The following NTN5 variants were observed in gnomAD, a reference collection of about 807,000 sequenced individuals.
The protein encoded by NTN5 is netrin-5.
NTN5 carries 42 observed loss-of-function variants against 38.7 expected under a neutral mutation model. That is an observed-to-expected ratio of 1.08 (90% confidence interval 0.85 to 1.40). The LOEUF (loss-of-function observed/expected upper bound fraction) is 1.40. Among genes scored for constraint, NTN5 ranks in the 40% most tolerant of loss-of-function variants. NTN5 has a pLI of 0.00. For synonymous variants in NTN5, 329 were observed against 303.9 expected (o/e 1.08, Z -0.86); for missense variants, 658 against 716.5 (o/e 0.92, Z 0.93).
At chr19:48,668,065 G>A (rs909096818) in intron 2 of NTN5, among the ~76,000 whole-genome samples, 1 of 152,132 alleles carries the variant, frequency 6.6e-6, no homozygotes, top group Non-Finnish European at 1.5e-5. Context: ...TCTCTGAGGA[G>A]GGGCTGTTGG....
intron 1 of NTN5, 105 bp from the exon 2 acceptor site, chr19:48,671,111 C>T: frequency 1.3e-6 from 1 of 769,188 alleles, no homozygotes; most frequent in Non-Finnish European, 2.0e-6. Context: ...CCCGTCCAGG[C>T]CCCCTCCCCG....
intron 2 of NTN5, among the ~76,000 whole-genome samples, chr19:48,669,855 C>A (rs1601213517): frequency 9.2e-6 from 1 of 108,686 alleles, no homozygotes; most frequent in South Asian, 3.2e-4. Flanking sequence ...ACTACCATCA[C>A]CACCACCATC....
intron 1 of NTN5, among the ~76,000 whole-genome samples, chr19:48,671,654 G>C (rs912232533): frequency 2.0e-5 from 3 of 152,010 alleles, no homozygotes; most frequent in Non-Finnish European, 4.4e-5. Flanking sequence ...GGAGGGAAGG[G>C]GACAGGCTAG....
At chr19:48,671,275 G>A (rs150738199) in intron 1 of NTN5, among the ~76,000 whole-genome samples, 1,606 of 152,194 alleles carry the variant, frequency 0.011, 25 homozygotes, top group African/African-American at 0.037. Context: ...GGGGCAGGGG[G>A]CCCTGGGGAG....
At position 48,664,522 on chromosome 19, in the gene NTN5, C is replaced by T. The variant is rs189737503; in HGVS notation, c.820+57G>A. On this transcript the variant is annotated intron_variant, in intron 3 of 6. Coordinates refer to ENST00000270235, the MANE Select transcript of NTN5 (RefSeq NM_145807.4). ...GGCCCCCAGCCCCTCCTCCCTCAGC[C>T]CCAGGAGTCCAGCCCTACCTCTGCT... 0.034 allele frequency: 50,798 copies of T among 1,483,934 alleles called. 1,268 individuals carry two copies. Among genetic ancestry groups the T allele is most frequent in the Non-Finnish European group, 0.039 (43,348 of 1,105,574 alleles). 91.9% of individuals were successfully genotyped at this position (1,483,934 alleles called of 1,614,324 possible).
intron 1 of NTN5, among the ~76,000 whole-genome samples, chr19:48,671,821 C>G (rs1379085274): frequency 6.7e-6 from 1 of 148,518 alleles, no homozygotes; most frequent in African/African-American, 2.5e-5. Context: ...GCCACCCGCC[C>G]ACCCACCCCC....
At chr19:48,669,903 TCACCACCACCAC>T (rs1243718159) in intron 2 of NTN5, among the ~76,000 whole-genome samples, 2 of 73,842 alleles carry the variant, frequency 2.7e-5, no homozygotes, top group Non-Finnish European at 5.3e-5. Context: ...ACCACCACCA[TCACCACCACCAC>T]CATCACCATC....
chr19:48,666,703 T>G (rs1432602116), intron 2 of NTN5, among the ~76,000 whole-genome samples: 12 of 35,730 alleles, frequency 3.4e-4, no homozygotes, highest in Non-Finnish European at 2.2e-4. Flanking sequence ...TTTTTTTTTT[T>G]GAGACAGGGT....
chr19:48,664,713 C>G lies in NTN5; in HGVS notation c.686G>C (p.Arg229Thr). The G allele has an allele frequency of 4.4e-6, 7 of 1,602,610 alleles. No individual in the cohort carries two copies. Among genetic ancestry groups the G allele is most frequent in the Non-Finnish European group, 5.1e-6 (6 of 1,174,670 alleles). The change falls in exon 3 of 7, where the codon AGA (arginine) becomes ACA (threonine). Residue 229 changes from arginine (R) to threonine (T), a missense_variant. Coordinates refer to ENST00000270235, the MANE Select transcript of NTN5 (RefSeq NM_145807.4). ...RRCRFNSELFRLSGGRSGGVC... is the reference protein window; with the variant it reads ...RRCRFNSELFTLSGGRSGGVC... ...ACCCCCACTCCGGCCGCCCGACAGT[C>G]TGAACAGCTCAGAGTTGAACCGGCA...
At chr19:48,672,707 G>C (rs17296933) in intron 1 of NTN5, among the ~76,000 whole-genome samples, 13,848 of 152,146 alleles carry the variant, frequency 0.091, 740 homozygotes, top group Non-Finnish European at 0.13. Context: ...GCACCTTGAG[G>C]AACCAGGCTG....
At chr19:48,665,784 A>T (rs1398769430) in intron 2 of NTN5, among the ~76,000 whole-genome samples, 1 of 151,450 alleles carries the variant, frequency 6.6e-6, no homozygotes, top group Non-Finnish European at 1.5e-5. Context: ...ACGCCACTGC[A>T]CTCCAGCCAG....
Position 48,670,972 on chromosome 19 carries a change from A to G in NTN5, c.15T>C (p.Phe5=). The G allele has an allele frequency of 6.5e-7, 1 of 1,540,990 alleles. No homozygotes were observed. Residue 5 remains phenylalanine, a synonymous_variant, in exon 2 of 7, where the codon TTT becomes TTC. Transcript: ENST00000270235. The stretch of plus-strand genomic sequence containing the variant: ...CCTGGCCCAGGAGGAGCAGGAGGGC[A>G]AAGGTCACGGGCATGGTCACAGCAG... MPVT[F]ALLLLLGQAT...
intron 1 of NTN5, among the ~76,000 whole-genome samples, chr19:48,672,671 C>A (rs2031991437): frequency 6.6e-6 from 1 of 152,168 alleles, no homozygotes; most frequent in Non-Finnish European, 1.5e-5. Context: ...CTGGATAGTT[C>A]AGGGGGTGGC....
In NTN5 at chr19:48,670,740, A is replaced by C. The variant is rs1376781983; in HGVS notation, c.247T>G (p.Cys83Gly). Residue 83 changes from cysteine to glycine, a missense_variant, in exon 2 of 7, where the codon TGT becomes GGT. Physicochemically the swap from Cys to Gly is radical, Grantham distance 159 (BLOSUM62 -3). Transcript: ENST00000270235. ...ATGAGGGCTGGGGGTCCTGGGGTAC[A>C]GAAGCGCAAGCTGACAGATGTCAGG... ...FLLTSVSLRF[C>G]TPGPPALILS... is the part of the protein sequence containing the mutation. The C allele has an allele frequency of 6.2e-6, 10 of 1,612,822 alleles. No homozygotes were observed. Among genetic ancestry groups the C allele is most frequent in the Non-Finnish European group, 7.6e-6 (9 of 1,179,904 alleles).
At chr19:48,662,975 G>A (rs1324057608) in intron 6 of NTN5, 2 of 299,620 alleles carry the variant, frequency 6.7e-6, no homozygotes, top group Non-Finnish European at 1.3e-5. Flanking sequence ...GAACTCCTGA[G>A]TGTCTTAAGA....
chr19:48,662,474 A>AT (rs1166743123), intron 6 of NTN5: 36 of 152,968 alleles, frequency 2.4e-4, no homozygotes, highest in Admixed American at 3.3e-4. Flanking sequence ...AAAAACATAA[A>AT]TTTTTTTTTT....
intron 6 of NTN5, 136 bp from the exon 7 acceptor site, chr19:48,662,177 T>G (rs1047763387): frequency 1.1e-5 from 11 of 964,258 alleles, no homozygotes; most frequent in Non-Finnish European, 1.4e-5. Flanking sequence ...GAGAGAAACC[T>G]TGAACCTTGG....
chr19:48,664,019 C>A, intron 4 of NTN5, 124 bp downstream of exon 4: 1 of 1,309,926 alleles, frequency 7.6e-7, no homozygotes, highest in South Asian at 1.5e-5. Context: ...GGCCCAGAGT[C>A]CAGCCTCCAG....
chr19:48,664,299 G>C lies in NTN5; in HGVS notation c.821-7C>G. The C allele has an allele frequency of 6.2e-7, 1 of 1,611,650 alleles. No homozygotes were observed. The highest frequency in any genetic ancestry group is 8.5e-7 in the Non-Finnish European group (1 of 1,179,014). On this transcript the variant is annotated splice_region_variant and splice_polypyrimidine_tract_variant and intron_variant, in intron 3 of 6. Transcript: ENST00000270235. ...ATAGGGTGGCACTGGCAGGCTACATGAGCAGAGGAGCTGGGGGCATGGGGT... is the reference window on the plus strand; with the variant it reads ...ATAGGGTGGCACTGGCAGGCTACATCAGCAGAGGAGCTGGGGGCATGGGGT...
Sources: gnomAD v4.1 joint callset for allele counts (sites outside exome capture counted in the v4.1 genomes callset) on GRCh38, gnomAD v4.1.1 for gene constraint, MANE v1.5 for transcripts, NCBI Gene and HGNC (gene_info 2026-07-23, HGNC 2026-07-21) for gene names.